Variants in DGKE observed in about 807,000 individuals in gnomAD.
DGKE encodes the protein DAG kinase epsilon.
In DGKE, 53 loss-of-function variants were observed where a neutral mutation model predicts 70.0. The observed-to-expected ratio is 0.76, with a 90% CI of 0.61 to 0.95. The LOEUF is 0.95. Among genes scored for constraint, DGKE ranks in the 40% least tolerant of loss-of-function variants. The pLI is 0.00. For missense variants in DGKE, 655 were observed against 706.9 expected (o/e 0.93, Z 0.83); for synonymous variants, 291 against 257.0 (o/e 1.13, Z -1.27).
At position 56,865,961 on chromosome 17, in the gene DGKE, C is replaced by T. The variant is rs1908509099; in HGVS notation, c.*3170C>T. ...GTAATGGTTTTGTGTGGTTTTCCTTCAAAATGATAATATTGAAGCAAGAAC... is the reference window on the plus strand; with the variant it reads ...GTAATGGTTTTGTGTGGTTTTCCTTTAAAATGATAATATTGAAGCAAGAAC... On this transcript the variant is annotated 3_prime_UTR_variant, in exon 12 of 12. Transcript: ENST00000284061. 6.6e-6 allele frequency: 1 copy of T among 151,946 alleles called. No homozygotes were observed. Among genetic ancestry groups the T allele is most frequent in the Admixed American group, 6.6e-5 (1 of 15,260 alleles). The allele number at this position is 151,946 out of a possible 1,614,324, so 9.4% of individuals were successfully genotyped here.
chr17:56,838,750 A>T (rs1429044127), intron 2 of DGKE: 1 of 152,098 alleles, frequency 6.6e-6, no homozygotes, highest in Non-Finnish European at 1.5e-5. Flanking sequence ...ATATTTTCAT[A>T]TGAAGGAACT....
At chr17:56,840,323 A>G (rs1439480358) in intron 2 of DGKE, among the ~76,000 whole-genome samples, 2 of 152,178 alleles carry the variant, frequency 1.3e-5, no homozygotes, top group Non-Finnish European at 2.9e-5. Flanking sequence ...ACTCTTCATA[A>G]TACGCCAGAT....
At chr17:56,851,061 G>A (rs1201842455) in intron 7 of DGKE, among the ~76,000 whole-genome samples, 1 of 152,116 alleles carries the variant, frequency 6.6e-6, no homozygotes, top group African/African-American at 2.4e-5. Flanking sequence ...AGAGAGAGTA[G>A]ATCTGTATTT....
At chr17:56,861,447 G>A (rs955051152) in intron 9 of DGKE, among the ~76,000 whole-genome samples, 3 of 152,166 alleles carry the variant, frequency 2.0e-5, no homozygotes, top group African/African-American at 7.2e-5. Flanking sequence ...GAACATCCAG[G>A]GAAGTAGAGT....
Position 56,848,579 on chromosome 17 carries a change from A to G in DGKE, c.889-117A>G. 4.8e-6 allele frequency: 5 copies of G among 1,035,048 alleles called. No homozygotes were observed. In the South Asian group the frequency reaches 8.7e-5, roughly 18 times the overall value. 64.1% of individuals were successfully genotyped at this position (1,035,048 alleles called of 1,614,324 possible). A position where few individuals can be genotyped will look rare whatever the true frequency, so the allele number is the denominator to read the frequency against. On this transcript the variant is annotated intron_variant, in intron 5 of 11. Transcript: ENST00000284061. ...CAATTAGCACAAGCTTTAGCAAAAC[A>G]ACATACAGTTGTTATATTTGTATCC...
chr17:56,861,809 C>A lies in DGKE; in HGVS notation c.1303C>A (p.Arg435=), dbSNP rs1908307678. The change falls in exon 10 of 12, where the codon CGA becomes AGA. Residue 435 remains arginine, a synonymous_variant. Transcript: ENST00000284061. Reference sequence around the variant, plus strand: ...TTTAAAGCTAGAACTGGATGGTGAGCGAGTAGCACTGCCCAGCTTGGAAGG... The same window carrying A: ...TTTAAAGCTAGAACTGGATGGTGAGAGAGTAGCACTGCCCAGCTTGGAAGG... The part of the protein sequence containing the change: ...KKVELELDGE[R]VALPSLEGII... 1 of 1,612,686 alleles carries A rather than the reference C, an allele frequency of 6.2e-7. No individual in the cohort carries two copies. The highest frequency in any genetic ancestry group is 8.5e-7 in the Non-Finnish European group (1 of 1,179,700).
chr17:56,855,252 A>G (rs1907876491), intron 7 of DGKE, among the ~76,000 whole-genome samples: 1 of 152,162 alleles, frequency 6.6e-6, no homozygotes, highest in African/African-American at 2.4e-5. Flanking sequence ...AGGGACAGAC[A>G]TTTAGTTCCA....
chr17:56,847,243 G>C (rs774333745), intron 4 of DGKE: 36 of 150,574 alleles, frequency 2.4e-4, no homozygotes, highest in Admixed American at 2.4e-3. Context: ...TTTTAAGCCA[G>C]TATAAGATAT....
chr17:56,862,574 G>A (rs1238515546), intron 11 of DGKE, 38 bp from the exon 12 acceptor site: 4 of 1,453,146 alleles, frequency 2.8e-6, no homozygotes, highest in South Asian at 3.1e-5. Context: ...AAATTTGGGG[G>A]GACTGACTTT....
At position 56,858,673 on chromosome 17, in the gene DGKE, A is replaced by ATTAAT; in HGVS notation, c.1284+12_1284+13insTTTAA. 1 of 1,580,024 alleles carries ATTAAT rather than the reference A, an allele frequency of 6.3e-7. No individual in the cohort carries two copies. Among genetic ancestry groups the ATTAAT allele is most frequent in the South Asian group, 1.2e-5 (1 of 85,958 alleles). On this transcript the variant is annotated intron_variant, in intron 9 of 11. Transcript: ENST00000284061. ...TTGAATAAAAAAGTTGAGGTAAGCT[A>ATTAAT]TTAACACTTTTTATTTTTTAAAGTT...
At chr17:56,836,450 A>G (rs1243173887) in intron 2 of DGKE, 1 of 152,238 alleles carries the variant, frequency 6.6e-6, no homozygotes, top group African/African-American at 2.4e-5. Flanking sequence ...GGGACTTTAA[A>G]TAAATTTCAT....
At chr17:56,855,945 G>A (rs1279825039) in intron 7 of DGKE, among the ~76,000 whole-genome samples, 2 of 149,700 alleles carry the variant, frequency 1.3e-5, no homozygotes, top group Non-Finnish European at 2.9e-5. Context: ...GGCAGAGGTT[G>A]CAGAGAGCCG....
At chr17:56,840,196 T>C (rs1444821411) in intron 2 of DGKE, among the ~76,000 whole-genome samples, 2 of 152,178 alleles carry the variant, frequency 1.3e-5, no homozygotes, top group East Asian at 3.8e-4. Context: ...TAATCTTTTC[T>C]GAAATTTATG....
intron 2 of DGKE, among the ~76,000 whole-genome samples, chr17:56,839,895 T>C (rs1340499598): frequency 3.3e-5 from 5 of 152,122 alleles, no homozygotes; most frequent in Non-Finnish European, 7.4e-5. Context: ...AATAATCTTT[T>C]CTGGGCTGAG....
In DGKE at chr17:56,847,987, T is replaced by C. The variant is rs775460890; in HGVS notation, c.810T>C (p.Tyr270=). ...AACTCTGTACTCTTCTCCCATATTA[T>C]TCAGCTCGAGTACTTGTTTGTGGAG... The part of the protein sequence containing the change: ...ALQLCTLLPY[Y]SARVLVCGGD... The change falls in exon 5 of 12, where the codon TAT becomes TAC. Residue 270 remains tyrosine, a synonymous_variant. Transcript: ENST00000284061. The C allele has an allele frequency of 5.0e-6, 8 of 1,610,450 alleles. No homozygotes were observed. Among genetic ancestry groups the C allele is most frequent in the Non-Finnish European group, 6.8e-6 (8 of 1,177,972 alleles).
Position 56,848,895 on chromosome 17 carries a change from G to T in DGKE, c.1046+42G>T, listed in dbSNP as rs117874619. The T allele has an allele frequency of 6.2e-4, 997 of 1,612,262 alleles. 1 individual carries two copies. Among genetic ancestry groups the T allele is most frequent in the Admixed American group, 1.2e-3 (69 of 59,974 alleles). On this transcript the variant is annotated intron_variant, in intron 6 of 11. Coordinates refer to ENST00000284061, the MANE Select transcript of DGKE (RefSeq NM_003647.3). ...CAAAAAGTAGATTTCTTGAGATTTAGCCATAATTGGTTAACAAGTGAAGAC... is the reference window on the plus strand; with the variant it reads ...CAAAAAGTAGATTTCTTGAGATTTATCCATAATTGGTTAACAAGTGAAGAC...
intron 8 of DGKE, among the ~76,000 whole-genome samples, chr17:56,857,760 G>A (rs535303968): frequency 3.9e-5 from 6 of 152,084 alleles, no homozygotes; most frequent in Admixed American, 2.0e-4. Context: ...GATAAATTGG[G>A]AGAAAACACC....
intron 2 of DGKE, chr17:56,836,087 C>T (rs1018419595): frequency 4.6e-5 from 7 of 152,228 alleles, no homozygotes; most frequent in African/African-American, 1.4e-4. Context: ...CACTTAGCCT[C>T]CTTTGAGCCT....
intron 2 of DGKE, among the ~76,000 whole-genome samples, chr17:56,841,333 T>C: frequency 6.6e-6 from 1 of 152,072 alleles, no homozygotes; most frequent in East Asian, 1.9e-4. Context: ...TATATATTTT[T>C]AAAAACTTAA....
Sources: gnomAD v4.1 joint callset for allele counts (sites outside exome capture counted in the v4.1 genomes callset) on GRCh38, gnomAD v4.1.1 for gene constraint, MANE v1.5 for transcripts, NCBI Gene and HGNC (gene_info 2026-07-23, HGNC 2026-07-21) for gene names.